CLTCL1: variants seen among roughly 807,000 people sequenced by gnomAD.
The protein encoded by CLTCL1 is clathrin heavy chain like 1, also known as clathrin heavy chain 2.
A neutral mutation model predicts 190.0 loss-of-function variants in CLTCL1; 159 were observed. That is an observed-to-expected ratio of 0.84 (90% CI 0.74 to 0.95). The LOEUF (loss-of-function observed/expected upper bound fraction) is 0.95. Ranked by LOEUF, CLTCL1 falls within the 40% of genes least tolerant of loss-of-function variation. The probability of loss-of-function intolerance (pLI) is 0.00; values close to 1 mark genes in which losing one functional copy is unlikely to be tolerated. For missense variants in CLTCL1, 1,878 were observed against 2,033.4 expected (o/e 0.92, Z 1.47); for synonymous variants, 752 against 769.6 (o/e 0.98, Z 0.38).
At chr22:19,285,562 A>G (rs1244542330) in intron 1 of CLTCL1, among the ~76,000 whole-genome samples, 3 of 152,208 alleles carry the variant, frequency 2.0e-5, no homozygotes, top group Non-Finnish European at 4.4e-5. Context: ...TGGCCTGTCA[A>G]GATATATCCG....
In CLTCL1 at chr22:19,198,731, C is replaced by G. The variant is rs1323684602; in HGVS notation, c.3873+1003G>C. On this transcript the variant is annotated intron_variant, in intron 24 of 32. Transcript: ENST00000427926. This position sits in a 1 kb window ranked among gnomAD's most constrained non-coding sequence, Gnocchi z 4.1. ...TCCATTTTCCTCTATAACTGATCAC[C>G]TTCAAACACACTATATAATTATTCA... Among the ~76,000 whole-genome samples, 2 of 152,238 alleles carry G rather than the reference C, an allele frequency of 1.3e-5. No homozygotes were observed. Among genetic ancestry groups the G allele is most frequent in the Non-Finnish European group, 1.5e-5 (1 of 68,044 alleles).
At chr22:19,258,718 T>C in intron 2 of CLTCL1, 1 of 689,630 alleles carries the variant, frequency 1.5e-6, no homozygotes, top group Non-Finnish European at 2.7e-6. Context: ...AGCAACTCCA[T>C]GCAAACCATC....
At chr22:19,229,378 T>C (rs1255819726) in intron 11 of CLTCL1, among the ~76,000 whole-genome samples, 7 of 152,198 alleles carry the variant, frequency 4.6e-5, no homozygotes, top group African/African-American at 1.7e-4. Context: ...TGAAATATCT[T>C]GAAAAGCCAA....
At position 19,274,730 on chromosome 22, in the gene CLTCL1, CT is replaced by C. The variant is rs56410068; in HGVS notation, c.250+892del. Among the ~76,000 whole-genome samples the C allele has an allele frequency of 6.1e-3, 828 of 135,776 alleles. 5 individuals are homozygous for C. Among genetic ancestry groups the C allele is most frequent in the African/African-American group, 0.013 (475 of 37,182 alleles). 89.1% of individuals were successfully genotyped at this position (135,776 alleles called of 152,430 possible). ...AAACAGTTTTTGCTTTTCTTTGTTT[CT>C]TTTTTTTTTTTTTTTGAGACCGATT... On this transcript the variant is annotated intron_variant, in intron 2 of 32. Transcript: ENST00000427926.
At chr22:19,205,918 T>A (rs947737207) in intron 22 of CLTCL1, among the ~76,000 whole-genome samples, 5 of 137,014 alleles carry the variant, frequency 3.6e-5, no homozygotes, top group Admixed American at 2.4e-4. Context: ...TTAACTTAAT[T>A]TCCAACCATT....
rs782282006 is a variant in CLTCL1, at chr22:19,233,599, C to T, written c.1191G>A (p.Thr397=). Residue 397 remains threonine, a synonymous_variant, in exon 8 of 33, where the codon ACG becomes ACA. Transcript: ENST00000427926. The stretch of plus-strand genomic sequence containing the variant: ...CGGGTATACTCTGGAATTTCTGGAC[C>T]GTCTCTCTGGTACGCAGGATTCCCT... ...APKGILRTRE[T]VQKFQSIPAQ... The T allele has an allele frequency of 6.2e-6, 10 of 1,613,298 alleles. No individual in the cohort carries two copies. Among genetic ancestry groups the T allele is most frequent in the South Asian group, 3.3e-5 (3 of 91,064 alleles).
chr22:19,221,308 A>C, intron 17 of CLTCL1, 69 bp downstream of exon 17: 2 of 1,234,954 alleles, frequency 1.6e-6, no homozygotes, highest in African/African-American at 3.0e-5. Context: ...AGCTCCCCAC[A>C]GGCACACCTT....
chr22:19,248,870 T>C lies in CLTCL1; in HGVS notation c.519+5089A>G, dbSNP rs570315285. ...GTGCCTGGCCCTTCTAAGAGTTTTA[T>C]AGGTTCAGTTCTTACATTTAGGTCT... On this transcript the variant is annotated intron_variant, in intron 3 of 32. Coordinates refer to ENST00000427926, the MANE Select transcript of CLTCL1 (RefSeq NM_007098.4). Among the ~76,000 whole-genome samples, 5 of 152,316 alleles carry C rather than the reference T, an allele frequency of 3.3e-5. No homozygotes were observed. In the South Asian group the frequency reaches 1.0e-3, roughly 32 times the overall value.
At chr22:19,210,652 C>T in intron 19 of CLTCL1, 143 bp from the exon 20 acceptor site, 2 of 626,000 alleles carry the variant, frequency 3.2e-6, no homozygotes, top group East Asian at 5.7e-5. Context: ...GTAAATACAA[C>T]AGAGTATTTG....
In CLTCL1 at chr22:19,233,635, G is replaced by A. The variant is rs1555960426; in HGVS notation, c.1168-13C>T. On this transcript the variant is annotated splice_polypyrimidine_tract_variant and intron_variant, in intron 7 of 32. Transcript: ENST00000427926. ...TACGCAGGATTCCCTAATAATAAAT[G>A]GAAAAATAGGTCATTGTGTTGTAAT... 2 of 1,607,580 alleles carry A rather than the reference G, an allele frequency of 1.2e-6. No individual in the cohort carries two copies. The highest frequency in any genetic ancestry group is 2.2e-5 in the East Asian group (1 of 44,844).
At chr22:19,233,649 T>C (rs1210074438) in intron 7 of CLTCL1, 27 bp from the exon 8 acceptor site, 5 of 1,604,804 alleles carry the variant, frequency 3.1e-6, no homozygotes, top group South Asian at 1.1e-5. Flanking sequence ...AAATAGGTCA[T>C]TGTGTTGTAA....
intron 2 of CLTCL1, among the ~76,000 whole-genome samples, chr22:19,267,155 T>A (rs2087146605): frequency 1.3e-5 from 2 of 152,068 alleles, no homozygotes; most frequent in South Asian, 2.1e-4. Context: ...TATACAAAAA[T>A]TATTTTATTT....
chr22:19,256,106 G>A (rs1033995931), intron 2 of CLTCL1, among the ~76,000 whole-genome samples: 2 of 151,894 alleles, frequency 1.3e-5, no homozygotes, highest in Admixed American at 6.6e-5. Context: ...CATAAATTAC[G>A]TACAGGTTCA....
chr22:19,244,543 C>T (rs190337299), intron 3 of CLTCL1, among the ~76,000 whole-genome samples: 2 of 152,282 alleles, frequency 1.3e-5, no homozygotes, highest in African/African-American at 4.8e-5. Flanking sequence ...AACTCACCCT[C>T]CCCAAGAGAC....
intron 2 of CLTCL1, among the ~76,000 whole-genome samples, chr22:19,255,169 T>C (rs1303334047): frequency 3.9e-5 from 6 of 152,176 alleles, no homozygotes; most frequent in Non-Finnish European, 7.3e-5. Flanking sequence ...AACATAATTA[T>C]TTACAAAGAA....
At chr22:19,206,724 A>G (rs1347852992) in intron 22 of CLTCL1, among the ~76,000 whole-genome samples, 1 of 152,152 alleles carries the variant, frequency 6.6e-6, no homozygotes, top group African/African-American at 2.4e-5. Context: ...GGCATGAGCC[A>G]CTGTGCCCGG....
intron 3 of CLTCL1, chr22:19,250,032 T>A (rs1555969367): frequency 3.9e-6 from 1 of 259,346 alleles, no homozygotes; most frequent in East Asian, 9.5e-5. Context: ...GGTGGGCAGA[T>A]CACTTGAGGT....
At chr22:19,187,759 G>A (rs782617572) in intron 28 of CLTCL1, 31 bp from the exon 29 acceptor site, 1 of 1,607,332 alleles carries the variant, frequency 6.2e-7, no homozygotes, top group East Asian at 2.2e-5. Context: ...TGAGGGATGG[G>A]ACACTGACAT....
chr22:19,221,588 A>C lies in CLTCL1; in HGVS notation c.2585T>G (p.Leu862Arg), dbSNP rs781815481. ...ACAGCCTTCCTGAATCTGGGACTCC[A>C]GCCAGGGAAGCAGCAGCTTGAGCCT... ...RNRLKLLLPW[L>R]ESQIQEGCEE... Residue 862 changes from leucine (L) to arginine (R), a missense_variant, in exon 17 of 33, where the codon CTG becomes CGG. Leu to Arg is a moderately radical substitution (Grantham distance 102). Transcript: ENST00000427926. 2.1e-5 allele frequency: 34 copies of C among 1,593,116 alleles called. No individual in the cohort carries two copies. The highest frequency in any genetic ancestry group is 1.5e-4 in the African/African-American group (11 of 74,596).
Sources: allele counts gnomAD v4.1 joint callset (sites outside exome capture counted in the v4.1 genomes callset), GRCh38; gene constraint gnomAD v4.1.1; non-coding constraint Gnocchi (gnomAD v3.1); transcripts MANE v1.5; gene names NCBI Gene and HGNC (gene_info 2026-07-23, HGNC 2026-07-21).